Variants in FGF12 observed in about 807,000 individuals in gnomAD.
The protein encoded by FGF12 is fibroblast growth factor 12.
In FGF12, 14 loss-of-function variants were observed where a neutral mutation model predicts 23.6. The ratio of observed to expected loss-of-function variants is 0.59; its 90% CI spans 0.39 to 0.93. FGF12 has a LOEUF of 0.93. Among genes scored for constraint, FGF12 ranks in the 40% least tolerant of loss-of-function variants. The pLI, the probability that FGF12 is intolerant of heterozygous loss-of-function variation, is 0.00. For missense variants in FGF12, 175 were observed against 217.8 expected (o/e 0.80, Z 1.24); for synonymous variants, 62 against 77.3 (o/e 0.80, Z 1.04).
chr3:192,193,642 C>T (rs1328983480), intron 4 of FGF12, among the ~76,000 whole-genome samples: 1 of 152,126 alleles, frequency 6.6e-6, no homozygotes. Context: ...ACTCTATAGT[C>T]TCACCCTATG....
At chr3:192,691,512 C>T (rs1033449955) in intron 2 of FGF12, among the ~76,000 whole-genome samples, 1 of 151,952 alleles carries the variant, frequency 6.6e-6, no homozygotes, top group Non-Finnish European at 1.5e-5. Flanking sequence ...ATACAACACA[C>T]TAAAAACTAT....
chr3:192,483,423 C>T lies in FGF12; in HGVS notation c.14-122885G>A, dbSNP rs148482255. ...GAAAACGTATTATACAACAGCCACA[C>T]GTAAAAAAAATGTCTAATGTCTCTT... On this transcript the variant is annotated intron_variant, in intron 2 of 5. Coordinates refer to ENST00000445105, the MANE Select transcript of FGF12 (RefSeq NM_004113.6). Among the ~76,000 whole-genome samples, 686 of 151,854 alleles carry T rather than the reference C, an allele frequency of 4.5e-3. 1 individual carries two copies. The highest frequency in any genetic ancestry group is 8.4e-3 in the African/African-American group (346 of 41,392).
intron 4 of FGF12, among the ~76,000 whole-genome samples, chr3:192,273,837 T>C (rs1004720663): frequency 4.6e-5 from 7 of 152,070 alleles, no homozygotes; most frequent in Non-Finnish European, 7.3e-5. Context: ...GTCTGCTTGC[T>C]GCCCGTGTCC....
At chr3:192,362,740 T>C (rs541324915) in intron 2 of FGF12, among the ~76,000 whole-genome samples, 36 of 152,266 alleles carry the variant, frequency 2.4e-4, no homozygotes, top group Middle Eastern at 3.4e-3. Flanking sequence ...AGAAAACCCA[T>C]AAAATATACA....
rs11394352 is a variant in FGF12 at position 192,167,731 on chromosome 3, G to GTA, written c.427+2725_427+2726dup. ...CTAAAATTAGGAGGGTAGGTTATAG[G>GTA]TATATATATATATATATATATATAT... On this transcript the variant is annotated intron_variant, in intron 5 of 5. Transcript: ENST00000445105. Among the ~76,000 whole-genome samples, 104 of 25,030 alleles carry GTA rather than the reference G, an allele frequency of 4.2e-3. 2 individuals are homozygous for GTA. Among genetic ancestry groups the GTA allele is most frequent in the African/African-American group, 0.01 (49 of 4,794 alleles). The allele number at this position is 25,030 out of a possible 152,430, so 16.4% of individuals were successfully genotyped here.
chr3:192,277,907 C>T (rs1252482060), intron 4 of FGF12, among the ~76,000 whole-genome samples: 7 of 152,142 alleles, frequency 4.6e-5, no homozygotes, highest in South Asian at 2.1e-4. Flanking sequence ...GGAATACAGG[C>T]GCCTGCCACC....
At chr3:192,519,301 C>T (rs1030748721) in intron 2 of FGF12, among the ~76,000 whole-genome samples, 2 of 152,176 alleles carry the variant, frequency 1.3e-5, no homozygotes, top group African/African-American at 4.8e-5. Flanking sequence ...AGTACCTTGG[C>T]ATTTCTAATA....
At chr3:192,211,518 C>G (rs1007209459) in intron 4 of FGF12, among the ~76,000 whole-genome samples, 2 of 147,064 alleles carry the variant, frequency 1.4e-5, no homozygotes, top group Admixed American at 1.3e-4. Context: ...CTCCGCCTCC[C>G]AGGTTCAAGC....
intron 4 of FGF12, among the ~76,000 whole-genome samples, chr3:192,330,850 CA>C (rs1208171501): frequency 6.6e-6 from 1 of 152,026 alleles, no homozygotes; most frequent in Non-Finnish European, 1.5e-5. Context: ...CAAAAATAGA[CA>C]AATAGGACTA....
At chr3:192,210,688 G>A (rs1253008192) in intron 4 of FGF12, among the ~76,000 whole-genome samples, 2 of 152,092 alleles carry the variant, frequency 1.3e-5, no homozygotes, top group African/African-American at 4.8e-5. Context: ...GATATAGCAA[G>A]GAATAGAGAT....
chr3:192,172,375 G>A (rs1439199354), intron 4 of FGF12, among the ~76,000 whole-genome samples: 3 of 149,156 alleles, frequency 2.0e-5, no homozygotes, highest in Admixed American at 6.7e-5. Flanking sequence ...GTGACACAGT[G>A]AAATGGATCT....
At chr3:192,618,762 T>A (rs1714859773) in intron 2 of FGF12, among the ~76,000 whole-genome samples, 1 of 142,844 alleles carries the variant, frequency 7.0e-6, no homozygotes, top group African/African-American at 2.4e-5. Context: ...TTCGACTATC[T>A]TATAATACTA....
intron 2 of FGF12, among the ~76,000 whole-genome samples, chr3:192,652,960 T>C (rs1423471462): frequency 6.6e-6 from 1 of 152,222 alleles, no homozygotes; most frequent in Non-Finnish European, 1.5e-5. Context: ...AAGGGAGACT[T>C]AAGCACCCAT....
At position 192,360,913 on chromosome 3, in the gene FGF12, A is replaced by C. The variant is rs1020408100; in HGVS notation, c.14-375T>G. 6.6e-6 allele frequency among the ~76,000 whole-genome samples: 1 copy of C among 152,118 alleles called. No individual in the cohort carries two copies. Among genetic ancestry groups the C allele is most frequent in the South Asian group, 2.1e-4 (1 of 4,830 alleles). On this transcript the variant is annotated intron_variant, in intron 2 of 5. Coordinates refer to ENST00000445105, the MANE Select transcript of FGF12 (RefSeq NM_004113.6). The surrounding 1 kb of genome is among the most constrained non-coding windows in gnomAD (Gnocchi z 4.3). Reference sequence around the variant, plus strand: ...GGCCAAAATGCCTCTGTAATTTCTAAGTTTCTAGTAGCCATAACCAGGTCC... The same window carrying C: ...GGCCAAAATGCCTCTGTAATTTCTACGTTTCTAGTAGCCATAACCAGGTCC...
intron 2 of FGF12, among the ~76,000 whole-genome samples, chr3:192,402,729 G>A (rs1202164515): frequency 6.6e-6 from 1 of 152,054 alleles, no homozygotes; most frequent in Non-Finnish European, 1.5e-5. Context: ...AAATTATAAA[G>A]AAATTCTATA....
At chr3:192,666,777 A>G (rs929208607) in intron 2 of FGF12, among the ~76,000 whole-genome samples, 9 of 152,322 alleles carry the variant, frequency 5.9e-5, no homozygotes, top group East Asian at 5.8e-4. Context: ...TAATAAGCTC[A>G]CTTCAATCTC....
chr3:192,350,509 T>C (rs367592344), intron 3 of FGF12, among the ~76,000 whole-genome samples: 1 of 152,288 alleles, frequency 6.6e-6, no homozygotes, highest in African/African-American at 2.4e-5. Flanking sequence ...CTGAGATGTA[T>C]ATAGATTAAC....
intron 4 of FGF12, among the ~76,000 whole-genome samples, chr3:192,210,181 C>T (rs1164140350): frequency 2.0e-5 from 3 of 152,046 alleles, no homozygotes; most frequent in Non-Finnish European, 4.4e-5. Context: ...TAGACAGCGG[C>T]ACAGAAAGAA....
intron 4 of FGF12, among the ~76,000 whole-genome samples, chr3:192,217,231 G>A (rs916236458): frequency 2.0e-5 from 3 of 152,152 alleles, no homozygotes; most frequent in African/African-American, 4.8e-5. Flanking sequence ...AGGATAAAAC[G>A]AGTTAATCCA....
Sources: allele counts gnomAD v4.1 joint callset (sites outside exome capture counted in the v4.1 genomes callset), GRCh38; gene constraint gnomAD v4.1.1; non-coding constraint Gnocchi (gnomAD v3.1); transcripts MANE v1.5; gene names NCBI Gene and HGNC (gene_info 2026-07-23, HGNC 2026-07-21).